The following NINJ2 variants were observed in gnomAD, a reference collection of about 807,000 sequenced individuals.
NINJ2 encodes the protein ninjurin 2, also known as ninjurin-2.
A neutral mutation model predicts 11.7 loss-of-function variants in NINJ2; 12 were observed. The observed-to-expected ratio is 1.02, with a 90% CI of 0.66 to 1.66. NINJ2 has a LOEUF of 1.66. Among genes scored for constraint, NINJ2 ranks in the 40% most tolerant of loss-of-function variants. The pLI is 0.00. For synonymous variants in NINJ2, 93 were observed against 76.8 expected, an observed-to-expected ratio of 1.21 and a Z score of -1.10; for missense variants, 187 against 181.8, an observed-to-expected ratio of 1.03 and a Z score of -0.16.
At chr12:604,980 GA>G (rs1947922300) in intron 1 of NINJ2, among the ~76,000 whole-genome samples, 1 of 152,224 alleles carries the variant, frequency 6.6e-6, no homozygotes, top group Admixed American at 6.5e-5. Context: ...CAGGAAGCAA[GA>G]ATATGTGTTT....
At chr12:650,455 T>C (rs923808783) in intron 1 of NINJ2, among the ~76,000 whole-genome samples, 3 of 152,208 alleles carry the variant, frequency 2.0e-5, no homozygotes, top group Admixed American at 2.0e-4. Context: ...ATCCCATCAC[T>C]TTGGGAAGCC....
At chr12:572,054 C>T (rs1000334468) in intron 1 of NINJ2, among the ~76,000 whole-genome samples, 2 of 152,236 alleles carry the variant, frequency 1.3e-5, no homozygotes, top group Non-Finnish European at 1.5e-5. Context: ...TCCAGCCCTG[C>T]TTTAATGAGT....
At chr12:625,564 AG>A (rs1308615493) in intron 1 of NINJ2, among the ~76,000 whole-genome samples, 1 of 151,482 alleles carries the variant, frequency 6.6e-6, no homozygotes, top group Non-Finnish European at 1.5e-5. Context: ...GAACATCTAC[AG>A]GAGCCTTTTC....
chr12:594,374 A>G (rs1378244052), intron 1 of NINJ2, among the ~76,000 whole-genome samples: 2 of 152,230 alleles, frequency 1.3e-5, no homozygotes, highest in African/African-American at 4.8e-5. Context: ...TCAACTACTC[A>G]TGTACTCCAT....
rs1948230025 is a variant in NINJ2 at position 628,077 on chromosome 12, A to T, written c.33+35251T>A. On this transcript the variant is annotated intron_variant, in intron 1 of 3. Transcript: ENST00000305108. This position sits in a 1 kb window ranked among gnomAD's most constrained non-coding sequence, Gnocchi z 4.4. ...AGGCCTGGGAGTGAAAAGACTGGCC[A>T]TGGGGACAGAGAGCTGGATCCAAAG... Among the ~76,000 whole-genome samples, 1 of 152,190 alleles carries T rather than the reference A, an allele frequency of 6.6e-6. No homozygotes were observed. Among genetic ancestry groups the T allele is most frequent in the African/African-American group, 2.4e-5 (1 of 41,468 alleles).
chr12:568,655 A>C (rs896995029), intron 1 of NINJ2, among the ~76,000 whole-genome samples: 2 of 152,198 alleles, frequency 1.3e-5, no homozygotes, highest in African/African-American at 4.8e-5. Context: ...TCAGCTTTCT[A>C]CACGGGGCAG....
intron 1 of NINJ2, among the ~76,000 whole-genome samples, chr12:571,149 C>G (rs1275711505): frequency 6.6e-6 from 1 of 152,234 alleles, no homozygotes; most frequent in African/African-American, 2.4e-5. Flanking sequence ...AGTCCCTGTT[C>G]AAGGCGCGGT....
chr12:639,512 T>C (rs1175992655), intron 1 of NINJ2, among the ~76,000 whole-genome samples: 1 of 151,878 alleles, frequency 6.6e-6, no homozygotes, highest in Non-Finnish European at 1.5e-5. Flanking sequence ...TATGCCTCAG[T>C]GATGGATGGC....
intron 1 of NINJ2, among the ~76,000 whole-genome samples, chr12:626,991 G>A (rs886319689): frequency 2.0e-5 from 3 of 152,048 alleles, no homozygotes; most frequent in Admixed American, 1.3e-4. Context: ...AGGCTGAGAC[G>A]GAAAGGTTGT....
chr12:578,763 C>T (rs929009421), intron 1 of NINJ2, among the ~76,000 whole-genome samples: 4 of 152,180 alleles, frequency 2.6e-5, no homozygotes, highest in Non-Finnish European at 4.4e-5. Flanking sequence ...TTATAGGTAG[C>T]ATATCTAGAT....
chr12:623,730 T>C (rs777273890), intron 1 of NINJ2, among the ~76,000 whole-genome samples: 2 of 152,148 alleles, frequency 1.3e-5, no homozygotes, highest in Non-Finnish European at 2.9e-5. Flanking sequence ...ACCAGGATGT[T>C]GGGCAATATT....
chr12:578,341 C>T (rs1040099260), intron 1 of NINJ2, among the ~76,000 whole-genome samples: 3 of 152,136 alleles, frequency 2.0e-5, no homozygotes, highest in East Asian at 1.9e-4. Flanking sequence ...GTGTTGTCTG[C>T]GGCTTGCCCT....
intron 1 of NINJ2, among the ~76,000 whole-genome samples, chr12:607,674 T>C (rs1947958128): frequency 6.6e-6 from 1 of 152,174 alleles, no homozygotes; most frequent in South Asian, 2.1e-4. Context: ...GCTGAGCTAA[T>C]GCCACCTTTC....
rs571868450 is a variant in NINJ2 at position 657,400 on chromosome 12, C to T, written c.33+5928G>A. 1.8e-4 allele frequency among the ~76,000 whole-genome samples: 28 copies of T among 151,888 alleles called. 1 individual carries two copies. The East Asian group carries it at 5.2e-3, about 28-fold the overall frequency. ...GTCAGGAGTTTGAGACCAGCCTGGCCAACATAGTGAAACCCCGCCTCTATT... is the reference window on the plus strand; with the variant it reads ...GTCAGGAGTTTGAGACCAGCCTGGCTAACATAGTGAAACCCCGCCTCTATT... On this transcript the variant is annotated intron_variant, in intron 1 of 3. Transcript: ENST00000305108.
chr12:613,054 C>G (rs1032601956), intron 1 of NINJ2, among the ~76,000 whole-genome samples: 2 of 152,124 alleles, frequency 1.3e-5, no homozygotes, highest in Non-Finnish European at 2.9e-5. Context: ...ATGTCCAAAG[C>G]GTGCAATTCA....
At position 585,263 on chromosome 12, in the gene NINJ2, CT is replaced by C. The variant is rs1354345253; in HGVS notation, c.34-19086del. On this transcript the variant is annotated intron_variant, in intron 1 of 3. Coordinates refer to ENST00000305108, the MANE Select transcript of NINJ2 (RefSeq NM_016533.6). This position sits in a 1 kb window ranked among gnomAD's most constrained non-coding sequence, Gnocchi z 4.1. Reference sequence around the variant, plus strand: ...TTCACTGGGCTCTGGGGGCTCTGGGCTTCCCTGCTGCAAGCTCTTAACCCTT... The same window carrying C: ...TTCACTGGGCTCTGGGGGCTCTGGGCTCCCTGCTGCAAGCTCTTAACCCTT... Among the ~76,000 whole-genome samples, 1 of 152,182 alleles carries C rather than the reference CT, an allele frequency of 6.6e-6. No individual in the cohort carries two copies. Among genetic ancestry groups the C allele is most frequent in the Admixed American group, 6.5e-5 (1 of 15,280 alleles).
At chr12:604,624 C>T (rs973162736) in intron 1 of NINJ2, among the ~76,000 whole-genome samples, 3 of 152,012 alleles carry the variant, frequency 2.0e-5, no homozygotes, top group African/African-American at 4.8e-5. Context: ...GGCGACAGAG[C>T]GAGACTCAGT....
At chr12:588,771 G>A (rs144578704) in intron 1 of NINJ2, among the ~76,000 whole-genome samples, 448 of 152,254 alleles carry the variant, frequency 2.9e-3, no homozygotes, top group Non-Finnish European at 4.3e-3. Context: ...GAAAAACTGA[G>A]TACAAACAAG....
At chr12:649,513 A>G (rs929900064) in intron 1 of NINJ2, among the ~76,000 whole-genome samples, 2 of 116,290 alleles carry the variant, frequency 1.7e-5, no homozygotes, top group African/African-American at 6.0e-5. Context: ...AACAGTGAAT[A>G]TGTGTGTGTG....
Sources: gnomAD v4.1 joint callset for allele counts (sites outside exome capture counted in the v4.1 genomes callset) on GRCh38, gnomAD v4.1.1 for gene constraint, Gnocchi (gnomAD v3.1) non-coding constraint, MANE v1.5 for transcripts, NCBI Gene and HGNC (gene_info 2026-07-23, HGNC 2026-07-21) for gene names.